CFAP299: variants seen among roughly 807,000 people sequenced by gnomAD.
The protein encoded by CFAP299 is cilia- and flagella-associated protein 299.
In CFAP299, 21 loss-of-function variants were observed where a neutral mutation model predicts 27.0. The observed-to-expected ratio is 0.78, with a 90% CI of 0.55 to 1.12. The LOEUF is 1.12. Ranked by LOEUF, CFAP299 falls within the 50% of genes most tolerant of loss-of-function variation. CFAP299 has a pLI of 0.00. For synonymous variants in CFAP299, 104 were observed against 98.1 expected, an observed-to-expected ratio of 1.06 and a Z score of -0.36; for missense variants, 310 against 276.6, an observed-to-expected ratio of 1.12 and a Z score of -0.86.
intron 2 of CFAP299, among the ~76,000 whole-genome samples, chr4:80,521,927 A>ATGAGGG (rs1199542836): frequency 6.6e-6 from 1 of 152,076 alleles, no homozygotes; most frequent in Admixed American, 6.6e-5. Flanking sequence ...TGATACAAAC[A>ATGAGGG]TGAGGGTGCA....
At chr4:80,490,840 G>T (rs1731083875) in intron 2 of CFAP299, among the ~76,000 whole-genome samples, 1 of 151,734 alleles carries the variant, frequency 6.6e-6, no homozygotes, top group East Asian at 1.9e-4. Context: ...CTGCAGAAGG[G>T]ATTACTGTCT....
chr4:80,429,884 T>G (rs13108814), intron 2 of CFAP299, among the ~76,000 whole-genome samples: 100,283 of 151,860 alleles, frequency 0.66, 35,720 homozygotes, highest in Non-Finnish European at 0.78. Flanking sequence ...GCACAAGGCT[T>G]AGGTAAAATA....
At chr4:80,726,060 T>C (rs1723143398) in intron 3 of CFAP299, among the ~76,000 whole-genome samples, 1 of 152,232 alleles carries the variant, frequency 6.6e-6, no homozygotes, top group Non-Finnish European at 1.5e-5. Context: ...GTGGTCATGG[T>C]CAACAATCTA....
At chr4:80,705,281 C>G (rs1467507635) in intron 3 of CFAP299, among the ~76,000 whole-genome samples, 1 of 151,760 alleles carries the variant, frequency 6.6e-6, no homozygotes, top group Admixed American at 6.6e-5. Flanking sequence ...TTCACTCAGT[C>G]ATTCAGGGGC....
intron 2 of CFAP299, among the ~76,000 whole-genome samples, chr4:80,471,604 G>C (rs1305060137): frequency 8.6e-6 from 1 of 116,052 alleles, no homozygotes; most frequent in African/African-American, 3.3e-5. Context: ...AGGGGGGTTG[G>C]GGGGAGCAGG....
At chr4:80,506,550 T>C (rs556284252) in intron 2 of CFAP299, among the ~76,000 whole-genome samples, 1 of 152,314 alleles carries the variant, frequency 6.6e-6, no homozygotes, top group Admixed American at 6.5e-5. Flanking sequence ...ATTTGGGGAA[T>C]AAACTTTAAT....
chr4:80,426,887 G>A (rs2969271), intron 2 of CFAP299, among the ~76,000 whole-genome samples: 7 of 152,120 alleles, frequency 4.6e-5, no homozygotes, highest in Non-Finnish European at 7.4e-5. Context: ...AAAACTTTTT[G>A]TGTGTGAGTA....
upstream of CFAP299, chr4:80,335,642 G>C (rs1400298947): frequency 2.9e-6 from 2 of 680,748 alleles, no homozygotes; most frequent in Non-Finnish European, 5.3e-6. Flanking sequence ...ACAAACCGCC[G>C]GGGGGTGGGA....
At chr4:80,405,822 A>G (rs1032006999) in intron 2 of CFAP299, among the ~76,000 whole-genome samples, 13 of 151,958 alleles carry the variant, frequency 8.6e-5, no homozygotes, top group African/African-American at 3.1e-4. Context: ...AGATTGTATA[A>G]TTTTCTGAAG....
intron 4 of CFAP299, among the ~76,000 whole-genome samples, chr4:80,891,786 A>T (rs1460614556): frequency 5.0e-5 from 5 of 99,406 alleles, no homozygotes; most frequent in African/African-American, 2.8e-4. Context: ...ATTAAAAAAA[A>T]AATAAAAAAA....
At chr4:80,819,247 G>T (rs1044550500) in intron 3 of CFAP299, among the ~76,000 whole-genome samples, 1 of 151,990 alleles carries the variant, frequency 6.6e-6, no homozygotes, top group Non-Finnish European at 1.5e-5. Flanking sequence ...AGTGATATCT[G>T]GGGGCTTCAA....
chr4:80,858,348 C>A (rs1254646861), intron 3 of CFAP299, among the ~76,000 whole-genome samples: 1 of 151,868 alleles, frequency 6.6e-6, no homozygotes, highest in Non-Finnish European at 1.5e-5. Context: ...TTGATCCTTT[C>A]AAAAAACCAG....
intron 3 of CFAP299, among the ~76,000 whole-genome samples, chr4:80,792,434 A>G (rs1008199992): frequency 6.6e-6 from 1 of 152,144 alleles, no homozygotes; most frequent in African/African-American, 2.4e-5. Flanking sequence ...TCCCAGAGAT[A>G]GTGAAAAACA....
At chr4:80,943,431 T>G (rs1362752454) in intron 4 of CFAP299, among the ~76,000 whole-genome samples, 5 of 152,122 alleles carry the variant, frequency 3.3e-5, no homozygotes, top group Admixed American at 6.6e-5. Flanking sequence ...CAATGAAACT[T>G]TCTATTTTCA....
intron 3 of CFAP299, among the ~76,000 whole-genome samples, chr4:80,830,228 C>T (rs1730223696): frequency 6.6e-6 from 1 of 151,920 alleles, no homozygotes; most frequent in Non-Finnish European, 1.5e-5. Context: ...TGAAAATCAT[C>T]CAGATCCCCA....
At chr4:80,345,494 A>T (rs531644627) in intron 1 of CFAP299, among the ~76,000 whole-genome samples, 14 of 131,234 alleles carry the variant, frequency 1.1e-4, no homozygotes, top group Non-Finnish European at 1.7e-4. Context: ...CTCATTGTTC[A>T]GTTCCCTCCT....
chr4:80,355,407 G>T (rs1164990755), intron 1 of CFAP299, among the ~76,000 whole-genome samples: 37 of 146,576 alleles, frequency 2.5e-4, no homozygotes, highest in Non-Finnish European at 2.2e-4. Flanking sequence ...ACCCAGGGTG[G>T]AATGCAGTGG....
chr4:80,677,625 A>AGAGG (rs1719551590), intron 3 of CFAP299, among the ~76,000 whole-genome samples: 1 of 152,084 alleles, frequency 6.6e-6, no homozygotes. Flanking sequence ...AACTTCAAGA[A>AGAGG]TTGGCATTGA....
At chr4:80,419,984 A>T (rs1727215611) in intron 2 of CFAP299, among the ~76,000 whole-genome samples, 1 of 152,066 alleles carries the variant, frequency 6.6e-6, no homozygotes. Flanking sequence ...GAGAAGCACA[A>T]AGTGATTATC....
Sources: gnomAD v4.1 joint callset for allele counts (sites outside exome capture counted in the v4.1 genomes callset) on GRCh38, gnomAD v4.1.1 for gene constraint, MANE v1.5 for transcripts, NCBI Gene and HGNC (gene_info 2026-07-23, HGNC 2026-07-21) for gene names.